Variants in SLC25A48 observed in about 807,000 individuals in gnomAD.
The protein encoded by SLC25A48 is CTC-321K16.1.
A neutral mutation model predicts 32.2 loss-of-function variants in SLC25A48; 29 were observed. The ratio of observed to expected loss-of-function variants is 0.90; its 90% CI spans 0.67 to 1.23. SLC25A48 has a LOEUF of 1.23. Among genes scored for constraint, SLC25A48 ranks in the 50% most tolerant of loss-of-function variants. The probability of loss-of-function intolerance (pLI) is 0.00; values close to 1 mark genes in which losing one functional copy is unlikely to be tolerated. For synonymous variants in SLC25A48, 164 were observed against 172.3 expected (o/e 0.95, Z 0.38); for missense variants, 399 against 422.7 (o/e 0.94, Z 0.49).
chr5:135,783,297 A>C (rs1756763656), intron 3 of SLC25A48, among the ~76,000 whole-genome samples: 1 of 117,396 alleles, frequency 8.5e-6, no homozygotes, highest in African/African-American at 2.6e-5. Context: ...ACAGAGGATC[A>C]TACTACTCCC....
intron 3 of SLC25A48, among the ~76,000 whole-genome samples, chr5:135,734,658 A>C (rs1755308934): frequency 6.6e-6 from 1 of 151,942 alleles, no homozygotes. Flanking sequence ...TACTAAAAAT[A>C]CAAAAAAAAT....
chr5:135,734,690 G>T (rs1300401007), intron 3 of SLC25A48, among the ~76,000 whole-genome samples: 1 of 152,008 alleles, frequency 6.6e-6, no homozygotes, highest in Admixed American at 6.5e-5. Flanking sequence ...AGAGGCAGGT[G>T]CCTGTAGTCC....
Position 135,599,015 on chromosome 5 carries a change from C to T in SLC25A48, c.-849+19418C>T, listed in dbSNP as rs111283211. Reference sequence around the variant, plus strand: ...GCAGTGAGTGAAGGAGGGGATATAACGAGGTGTGTCTGACCTCCCTTCTCG... The same window carrying T: ...GCAGTGAGTGAAGGAGGGGATATAATGAGGTGTGTCTGACCTCCCTTCTCG... On this transcript the variant is annotated intron_variant, in intron 1 of 10. Coordinates refer to the SLC25A48 transcript ENST00000646290. Among the ~76,000 whole-genome samples the T allele has an allele frequency of 7.0e-3, 1,059 of 151,974 alleles. 18 individuals carry two copies. Among genetic ancestry groups the T allele is most frequent in the African/African-American group, 0.025 (1,023 of 41,450 alleles).
intron 3 of SLC25A48, among the ~76,000 whole-genome samples, chr5:135,697,553 G>C (rs2126963336): frequency 6.6e-6 from 1 of 152,350 alleles, no homozygotes; most frequent in East Asian, 1.9e-4. Context: ...TCCTTTGCCA[G>C]AGACTGGACC....
At chr5:135,626,778 G>C (rs1752449609) in intron 1 of SLC25A48, among the ~76,000 whole-genome samples, 1 of 152,164 alleles carries the variant, frequency 6.6e-6, no homozygotes, top group Non-Finnish European at 1.5e-5. Context: ...GTAGGGGGTG[G>C]GGTGTGAGAG....
In SLC25A48 at chr5:135,888,024, G is replaced by A. The variant is rs9327734; in HGVS notation, c.*8-8G>A. On this transcript the variant is annotated splice_polypyrimidine_tract_variant and splice_region_variant and intron_variant, in intron 7 of 7. Coordinates refer to ENST00000681962, the MANE Select transcript of SLC25A48 (RefSeq NM_001349336.2). ...CTTCTCTGAGTCTGGGTTGTTTGCT[G>A]TTTCCAGGAGGTGAACACAGGATGA... 6.5e-7 allele frequency: 1 copy of A among 1,549,890 alleles called. No homozygotes were observed. The highest frequency in any genetic ancestry group is 8.7e-7 in the Non-Finnish European group (1 of 1,145,612).
Position 135,652,412 on chromosome 5 carries a change from A to G in SLC25A48, c.-521+17456A>G, listed in dbSNP as rs1209721689. 6.6e-6 allele frequency: 3 copies of G among 456,252 alleles called. No homozygotes were observed. In the Admixed American group the frequency reaches 7.0e-5, roughly 11 times the overall value. The allele number at this position is 456,252 out of a possible 1,614,324, so 28.3% of individuals were successfully genotyped here. A position where few individuals can be genotyped will look rare whatever the true frequency, so the allele number is the denominator to read the frequency against. On this transcript the variant is annotated intron_variant, in intron 3 of 10. Coordinates refer to the SLC25A48 transcript ENST00000646290. ...CCATCCATGGATTCACAAAATGCCT[A>G]TCCACCATTATGACATTCTCCATAG...
intron 3 of SLC25A48, among the ~76,000 whole-genome samples, chr5:135,750,545 G>A (rs1046338182): frequency 3.3e-5 from 5 of 152,146 alleles, no homozygotes; most frequent in South Asian, 2.1e-4. Flanking sequence ...AAGCATCACA[G>A]GGGCAGCCCA....
chr5:135,819,226 A>C (rs565425565), intron 4 of SLC25A48, among the ~76,000 whole-genome samples: 130 of 152,210 alleles, frequency 8.5e-4, no homozygotes, highest in Non-Finnish European at 1.3e-3. Flanking sequence ...CAATGTACTT[A>C]AGAGGCTCTG....
At chr5:135,670,718 G>A (rs1753635541) in intron 3 of SLC25A48, among the ~76,000 whole-genome samples, 1 of 152,168 alleles carries the variant, frequency 6.6e-6, no homozygotes, top group Non-Finnish European at 1.5e-5. Flanking sequence ...GAGCTGGGAG[G>A]AAGCATTCAA....
At chr5:135,643,691 T>C (rs369074298) in intron 3 of SLC25A48, among the ~76,000 whole-genome samples, 2 of 152,308 alleles carry the variant, frequency 1.3e-5, no homozygotes, top group East Asian at 1.9e-4. Context: ...GTTTTTTCTG[T>C]GGGACAATCT....
At chr5:135,817,948 G>T (rs1220473878) in intron 4 of SLC25A48, among the ~76,000 whole-genome samples, 1 of 151,988 alleles carries the variant, frequency 6.6e-6, no homozygotes, top group Non-Finnish European at 1.5e-5. Flanking sequence ...AGCTACCCGA[G>T]AACTCTAAAA....
At chr5:135,737,238 G>A (rs1334322067) in intron 3 of SLC25A48, among the ~76,000 whole-genome samples, 6 of 151,950 alleles carry the variant, frequency 3.9e-5, no homozygotes, top group African/African-American at 1.5e-4. Context: ...TGGGTAGGTA[G>A]TGGAAAATTA....
At chr5:135,801,462 A>G (rs1757325054) in intron 3 of SLC25A48, among the ~76,000 whole-genome samples, 1 of 150,886 alleles carries the variant, frequency 6.6e-6, no homozygotes, top group Non-Finnish European at 1.5e-5. Flanking sequence ...GGGCGAGAGG[A>G]TGATATTACT....
At chr5:135,627,933 C>A (rs1561765021) in intron 1 of SLC25A48, among the ~76,000 whole-genome samples, 3 of 152,240 alleles carry the variant, frequency 2.0e-5, no homozygotes, top group Non-Finnish European at 4.4e-5. Flanking sequence ...GGGACTGGGG[C>A]CTGAGATGAA....
chr5:135,789,833 G>A (rs570357651), intron 3 of SLC25A48, among the ~76,000 whole-genome samples: 6 of 152,056 alleles, frequency 3.9e-5, no homozygotes, highest in Non-Finnish European at 8.8e-5. Context: ...ATTGGAATAA[G>A]CTATAACAGT....
intron 1 of SLC25A48, among the ~76,000 whole-genome samples, chr5:135,615,255 T>A (rs1752159171): frequency 6.6e-6 from 1 of 152,120 alleles, no homozygotes; most frequent in South Asian, 2.1e-4. Context: ...TGAGGGAAAG[T>A]TTGGAACCTC....
At chr5:135,787,714 A>G (rs1045975928) in intron 3 of SLC25A48, among the ~76,000 whole-genome samples, 1 of 151,820 alleles carries the variant, frequency 6.6e-6, no homozygotes, top group Non-Finnish European at 1.5e-5. Flanking sequence ...TATTATTCGT[A>G]ACATTTTAGG....
chr5:135,674,550 C>A (rs144874822), intron 3 of SLC25A48, among the ~76,000 whole-genome samples: 1 of 151,498 alleles, frequency 6.6e-6, no homozygotes, highest in East Asian at 1.9e-4. Flanking sequence ...TCTTTCTGTG[C>A]CTTTTTTTTC....
Sources: allele counts gnomAD v4.1 joint callset (sites outside exome capture counted in the v4.1 genomes callset), GRCh38; gene constraint gnomAD v4.1.1; transcripts MANE v1.5; gene names NCBI Gene and HGNC (gene_info 2026-07-23, HGNC 2026-07-21).